COL21A1: variants seen among roughly 807,000 people sequenced by gnomAD.
COL21A1 encodes the protein collagen alpha-1(XXI) chain.
Under a neutral mutation model 137.9 loss-of-function variants are expected in COL21A1, and 149 were observed. The observed-to-expected ratio is 1.08, with a 90% confidence interval of 0.95 to 1.24. COL21A1 has a LOEUF of 1.24. Ranked by LOEUF, COL21A1 falls within the 50% of genes most tolerant of loss-of-function variation. COL21A1 has a pLI of 0.00. For synonymous variants in COL21A1, 456 were observed against 391.5 expected, an observed-to-expected ratio of 1.16 and a Z score of -1.95; for missense variants, 1,167 against 1,158.4, an observed-to-expected ratio of 1.01 and a Z score of -0.11.
At chr6:56,314,419 G>C (rs1044047175) in intron 1 of COL21A1, among the ~76,000 whole-genome samples, 2 of 152,092 alleles carry the variant, frequency 1.3e-5, no homozygotes, top group Non-Finnish European at 2.9e-5. Context: ...CCTGGACCTT[G>C]AGCCCTCTTC....
At chr6:56,199,837 T>C (rs959860007) in intron 1 of COL21A1, among the ~76,000 whole-genome samples, 1 of 152,172 alleles carries the variant, frequency 6.6e-6, no homozygotes, top group African/African-American at 2.4e-5. Context: ...GATACTCTTT[T>C]AGGTGCTGGG....
chr6:56,209,013 A>G (rs1160077775), intron 1 of COL21A1, among the ~76,000 whole-genome samples: 8 of 152,046 alleles, frequency 5.3e-5, no homozygotes, highest in South Asian at 2.1e-4. Context: ...ACATCTTATA[A>G]AAAAATTAAC....
At chr6:56,098,250 T>A (rs182546537) in intron 17 of COL21A1, among the ~76,000 whole-genome samples, 1 of 67,858 alleles carries the variant, frequency 1.5e-5, no homozygotes, top group Admixed American at 2.9e-4. Flanking sequence ...TATATATAAA[T>A]ATATAAATAC....
intron 1 of COL21A1, among the ~76,000 whole-genome samples, chr6:56,201,088 T>A (rs1357328290): frequency 6.6e-6 from 1 of 152,188 alleles, no homozygotes; most frequent in Non-Finnish European, 1.5e-5. Flanking sequence ...GTCTGTTGGC[T>A]GCATAAATGT....
chr6:56,124,969 G>T (rs927176337), intron 14 of COL21A1, among the ~76,000 whole-genome samples: 2 of 136,172 alleles, frequency 1.5e-5, no homozygotes, highest in Non-Finnish European at 3.1e-5. Flanking sequence ...TTTTTAAGCA[G>T]CTACTGCTTC....
chr6:56,226,014 A>G (rs1302347465), intron 1 of COL21A1: 1 of 152,066 alleles, frequency 6.6e-6, no homozygotes, highest in East Asian at 1.9e-4. Flanking sequence ...CCTGCATTTC[A>G]TGATGTCCTT....
At chr6:56,066,365 T>C (rs1457449113) in intron 23 of COL21A1, among the ~76,000 whole-genome samples, 1 of 151,968 alleles carries the variant, frequency 6.6e-6, no homozygotes, top group African/African-American at 2.4e-5. Flanking sequence ...CCTATGACTA[T>C]TTCAATTTGA....
intron 1 of COL21A1, among the ~76,000 whole-genome samples, chr6:56,184,319 CA>C (rs1271380350): frequency 2.0e-5 from 3 of 151,818 alleles, no homozygotes; most frequent in Non-Finnish European, 4.4e-5. Flanking sequence ...AGAGGGACAG[CA>C]GTAAGAATTT....
At chr6:56,266,645 T>C (rs1240874136) in intron 1 of COL21A1, among the ~76,000 whole-genome samples, 1 of 152,226 alleles carries the variant, frequency 6.6e-6, no homozygotes, top group Non-Finnish European at 1.5e-5. Context: ...CCTTTTCTGG[T>C]AAGATTAATT....
chr6:56,171,243 T>C, intron 3 of COL21A1, 115 bp from the exon 4 acceptor site: 1 of 585,490 alleles, frequency 1.7e-6, no homozygotes, highest in Non-Finnish European at 2.8e-6. Context: ...TTATAAAATC[T>C]ACATATGTAT....
upstream of COL21A1, among the ~76,000 whole-genome samples, chr6:56,248,464 C>T (rs1782759726): frequency 6.6e-6 from 1 of 152,186 alleles, no homozygotes; most frequent in African/African-American, 2.4e-5. Flanking sequence ...TGCCCAACCC[C>T]ACTTTGGTTT....
At chr6:56,207,512 A>G (rs1456876132) in intron 1 of COL21A1, among the ~76,000 whole-genome samples, 1 of 152,200 alleles carries the variant, frequency 6.6e-6, no homozygotes, top group Non-Finnish European at 1.5e-5. Flanking sequence ...TGAATAGACC[A>G]ATAATAAGTT....
chr6:56,113,009 A>T (rs548116745), intron 16 of COL21A1, among the ~76,000 whole-genome samples: 1 of 152,214 alleles, frequency 6.6e-6, no homozygotes, highest in Non-Finnish European at 1.5e-5. Flanking sequence ...AACCAGCCCC[A>T]GCCAAAGGAG....
intron 1 of COL21A1, among the ~76,000 whole-genome samples, chr6:56,328,897 C>A (rs1765160534): frequency 1.3e-5 from 2 of 152,050 alleles, no homozygotes; most frequent in African/African-American, 2.4e-5. Flanking sequence ...CCAGCTGAAT[C>A]TAAATACTCC....
intron 1 of COL21A1, among the ~76,000 whole-genome samples, chr6:56,329,769 A>G (rs1396490167): frequency 6.6e-6 from 1 of 152,054 alleles, no homozygotes; most frequent in Non-Finnish European, 1.5e-5. Context: ...GTAGTCTCCA[A>G]TTTCTGAACT....
At chr6:56,121,953 A>ATTCTCCT (rs1772579429) in intron 16 of COL21A1, among the ~76,000 whole-genome samples, 3 of 152,162 alleles carry the variant, frequency 2.0e-5, no homozygotes, top group Non-Finnish European at 4.4e-5. Context: ...TAGGAGACAT[A>ATTCTCCT]ACCAAGGTCA....
chr6:56,166,326 C>T (rs1006399097), intron 7 of COL21A1, among the ~76,000 whole-genome samples: 1 of 152,080 alleles, frequency 6.6e-6, no homozygotes, highest in East Asian at 1.9e-4. Context: ...TTTACCTGAG[C>T]ACTGGAATAG....
chr6:56,144,193 G>C (rs1034432667), intron 10 of COL21A1, among the ~76,000 whole-genome samples: 1 of 152,096 alleles, frequency 6.6e-6, no homozygotes, highest in African/African-American at 2.4e-5. Context: ...TTTAATGTAG[G>C]TTCTAAATTA....
intron 1 of COL21A1, among the ~76,000 whole-genome samples, chr6:56,284,682 G>A (rs1763862584): frequency 6.6e-6 from 1 of 151,992 alleles, no homozygotes; most frequent in Non-Finnish European, 1.5e-5. Context: ...TTCTTTCTTA[G>A]CTCCCACATG....
Sources: gnomAD v4.1 joint callset for allele counts (sites outside exome capture counted in the v4.1 genomes callset) on GRCh38, gnomAD v4.1.1 for gene constraint, MANE v1.5 for transcripts, NCBI Gene and HGNC (gene_info 2026-07-23, HGNC 2026-07-21) for gene names.